SCFD2: variants seen among roughly 807,000 people sequenced by gnomAD.
SCFD2 encodes sec1 family domain containing 2.
Under a neutral mutation model 58.9 loss-of-function variants are expected in SCFD2, and 54 were observed. That is an observed-to-expected ratio of 0.92 (90% CI 0.74 to 1.15). The LOEUF is 1.15. Among genes scored for constraint, SCFD2 ranks in the 50% most tolerant of loss-of-function variants. The probability of loss-of-function intolerance (pLI) is 0.00; values close to 1 mark genes in which losing one functional copy is unlikely to be tolerated. For synonymous variants in SCFD2, 321 were observed against 335.9 expected, an observed-to-expected ratio of 0.96 and a Z score of 0.49; for missense variants, 805 against 836.6, an observed-to-expected ratio of 0.96 and a Z score of 0.47.
intron 5 of SCFD2, among the ~76,000 whole-genome samples, chr4:53,139,000 G>C (rs1726026996): frequency 6.6e-6 from 1 of 152,080 alleles, no homozygotes; most frequent in South Asian, 2.1e-4. Context: ...CCTGCCAAGT[G>C]CCTGGGATTG....
intron 5 of SCFD2, among the ~76,000 whole-genome samples, chr4:52,955,121 T>C (rs898083808): frequency 6.6e-6 from 1 of 152,106 alleles, no homozygotes; most frequent in Admixed American, 6.5e-5. Context: ...TAGGAGGAAA[T>C]AGAGAGCAGA....
intron 4 of SCFD2, among the ~76,000 whole-genome samples, chr4:53,234,861 C>A (rs1265395146): frequency 2.6e-5 from 4 of 152,192 alleles, no homozygotes; most frequent in Non-Finnish European, 5.9e-5. Flanking sequence ...TCACAGAGAT[C>A]CAAAATTACA....
chr4:53,332,062 C>T (rs1733494375), intron 2 of SCFD2, among the ~76,000 whole-genome samples: 1 of 152,264 alleles, frequency 6.6e-6, no homozygotes, highest in Non-Finnish European at 1.5e-5. Flanking sequence ...AGTTGAATCT[C>T]TGAATAGACC....
At chr4:53,001,110 A>T (rs1721856532) in intron 5 of SCFD2, among the ~76,000 whole-genome samples, 1 of 152,226 alleles carries the variant, frequency 6.6e-6, no homozygotes, top group South Asian at 2.1e-4. Flanking sequence ...AACTGCAGTT[A>T]TGTAGCACAG....
chr4:53,354,421 C>T (rs1205458760), intron 1 of SCFD2, among the ~76,000 whole-genome samples: 2 of 152,222 alleles, frequency 1.3e-5, no homozygotes, highest in African/African-American at 2.4e-5. Flanking sequence ...GGCCTGCCAG[C>T]GCCGCAGTGC....
intron 2 of SCFD2, among the ~76,000 whole-genome samples, chr4:53,325,552 T>C (rs1322434432): frequency 6.6e-6 from 1 of 152,182 alleles, no homozygotes; most frequent in Non-Finnish European, 1.5e-5. Flanking sequence ...ATGGTCTGAA[T>C]AAGTAAATGA....
intron 5 of SCFD2, among the ~76,000 whole-genome samples, chr4:53,027,570 G>T (rs1213519127): frequency 6.6e-6 from 1 of 152,226 alleles, no homozygotes; most frequent in Non-Finnish European, 1.5e-5. Context: ...GCTCATGCCT[G>T]TAATTCCAGC....
chr4:53,025,806 A>G (rs1416461121), intron 5 of SCFD2, among the ~76,000 whole-genome samples: 2 of 152,212 alleles, frequency 1.3e-5, no homozygotes, highest in African/African-American at 4.8e-5. Flanking sequence ...GAGTCACCTC[A>G]TGGATCTTAT....
chr4:53,061,369 A>T (rs1161350203), intron 5 of SCFD2, among the ~76,000 whole-genome samples: 1 of 152,170 alleles, frequency 6.6e-6, no homozygotes, highest in Admixed American at 6.5e-5. Context: ...AAGTTCAATA[A>T]CTTGTCCAAG....
chr4:53,218,050 A>G (rs961372028), intron 4 of SCFD2, among the ~76,000 whole-genome samples: 1 of 152,126 alleles, frequency 6.6e-6, no homozygotes, highest in Admixed American at 6.5e-5. Context: ...GGGTAACCCG[A>G]CCTTTCTCTC....
chr4:52,925,052 A>G (rs887794158), intron 5 of SCFD2, among the ~76,000 whole-genome samples: 1 of 152,180 alleles, frequency 6.6e-6, no homozygotes, highest in African/African-American at 2.4e-5. Context: ...TAGCTCATTT[A>G]ATCTCCACAG....
intron 2 of SCFD2, among the ~76,000 whole-genome samples, chr4:53,335,899 T>C (rs1447488387): frequency 6.6e-6 from 1 of 152,116 alleles, no homozygotes; most frequent in African/African-American, 2.4e-5. Context: ...GGGTAAAAAT[T>C]ATGCGGGGTA....
At chr4:52,969,045 C>T (rs1721031209) in intron 5 of SCFD2, among the ~76,000 whole-genome samples, 1 of 152,122 alleles carries the variant, frequency 6.6e-6, no homozygotes, top group Admixed American at 6.5e-5. Flanking sequence ...TCCACCATTC[C>T]CCAGGTGATG....
intron 7 of SCFD2, among the ~76,000 whole-genome samples, chr4:52,904,411 C>A (rs148438160): frequency 1.3e-5 from 2 of 152,158 alleles, no homozygotes; most frequent in Non-Finnish European, 2.9e-5. Flanking sequence ...GAGCAGCAAG[C>A]GACAAGAAAG....
chr4:53,177,733 C>A (rs535320574), intron 4 of SCFD2, among the ~76,000 whole-genome samples: 3 of 152,284 alleles, frequency 2.0e-5, no homozygotes, highest in Admixed American at 6.5e-5. Flanking sequence ...CGAAAGGGGT[C>A]AGGGAATTCC....
intron 5 of SCFD2, among the ~76,000 whole-genome samples, chr4:53,011,790 T>C (rs1722098734): frequency 6.6e-6 from 1 of 152,222 alleles, no homozygotes; most frequent in Non-Finnish European, 1.5e-5. Context: ...TGCAGTGAAT[T>C]GTCAGTGACA....
At chr4:53,082,669 T>C (rs887818394) in intron 5 of SCFD2, among the ~76,000 whole-genome samples, 2 of 152,040 alleles carry the variant, frequency 1.3e-5, no homozygotes, top group Non-Finnish European at 2.9e-5. Flanking sequence ...GTGACCAAGA[T>C]TTAATCCACT....
intron 2 of SCFD2, among the ~76,000 whole-genome samples, chr4:53,333,514 A>T (rs1172150620): frequency 1.6e-4 from 24 of 150,562 alleles, no homozygotes; most frequent in Admixed American, 6.6e-4. Context: ...ATTCCCTATT[A>T]AATAAATGGT....
rs752490359 is a variant in SCFD2 at position 52,907,483 on chromosome 4, T to C, written c.1816A>G (p.Lys606Glu). 6 of 1,614,108 alleles carry C rather than the reference T, an allele frequency of 3.7e-6. No individual in the cohort carries two copies. The highest frequency in any genetic ancestry group is 3.3e-5 in the Admixed American group (2 of 60,024). ...TTCATGAACATGCTAAATCCAGTTT[T>C]AAGGAGATCAGTGAGGCCTGAAGAC... is the stretch of plus-strand genomic sequence containing the variant. Reference protein sequence around the residue: ...HMSSGLTDLLKTGFSMFMKVS... With the variant: ...HMSSGLTDLLETGFSMFMKVS... The change falls in exon 7 of 9, where the codon AAA (lysine) becomes GAA (glutamate). Residue 606 changes from lysine to glutamate, a missense_variant. Lys to Glu is a moderately conservative substitution (Grantham distance 56). This residue lies in a region of SCFD2 where 633 missense variants were observed against 646.8 expected (regional missense o/e 0.98). Coordinates refer to ENST00000401642, the MANE Select transcript of SCFD2 (RefSeq NM_152540.4).
Sources: gnomAD v4.1 joint callset for allele counts (sites outside exome capture counted in the v4.1 genomes callset) on GRCh38, gnomAD v4.1.1 for gene constraint, gnomAD v4.1.1 regional missense constraint, MANE v1.5 for transcripts, NCBI Gene and HGNC (gene_info 2026-07-23, HGNC 2026-07-21) for gene names.